Variants in STK32B observed in about 807,000 individuals in gnomAD.
STK32B encodes serine/threonine-protein kinase 32B.
STK32B carries 43 observed loss-of-function variants against 52.6 expected under a neutral mutation model. The ratio of observed to expected loss-of-function variants is 0.82; its 90% CI spans 0.64 to 1.05. The LOEUF is 1.05. STK32B is among the 50% of genes least tolerant of loss of function. STK32B has a pLI of 0.00. For synonymous variants in STK32B, 238 were observed against 204.3 expected, an observed-to-expected ratio of 1.17 and a Z score of -1.41; for missense variants, 621 against 534.6, an observed-to-expected ratio of 1.16 and a Z score of -1.59.
At chr4:5,430,113 G>A (rs1713445160) in intron 6 of STK32B, among the ~76,000 whole-genome samples, 2 of 151,852 alleles carry the variant, frequency 1.3e-5, no homozygotes, top group African/African-American at 4.8e-5. Context: ...TTGGATATGT[G>A]GTTTGATTAC....
chr4:5,463,788 C>T (rs1354738841), intron 9 of STK32B, among the ~76,000 whole-genome samples: 9 of 152,142 alleles, frequency 5.9e-5, no homozygotes, highest in East Asian at 1.9e-4. Context: ...CTTTCTCTTC[C>T]GGGGATCCCT....
intron 6 of STK32B, among the ~76,000 whole-genome samples, chr4:5,435,449 C>T (rs1363031714): frequency 2.0e-5 from 3 of 152,164 alleles, no homozygotes; most frequent in East Asian, 1.9e-4. Context: ...CAGAGCAACT[C>T]GCTCCTTCCT....
intron 7 of STK32B, among the ~76,000 whole-genome samples, chr4:5,450,479 T>C (rs1252898971): frequency 6.6e-6 from 1 of 152,164 alleles, no homozygotes; most frequent in Non-Finnish European, 1.5e-5. Context: ...GAAAGAATCT[T>C]TTTCACTCTT....
rs538547691 is a variant in STK32B, at chr4:5,260,750, C to G, written c.261-70470C>G. On this transcript the variant is annotated intron_variant, in intron 3 of 11. Transcript: ENST00000282908. ...GCAAGTTGGTTTCTTAGGAAGCAGACTCTGACATGGAAGTTAGCAAGAAGG... is the reference window on the plus strand; with the variant it reads ...GCAAGTTGGTTTCTTAGGAAGCAGAGTCTGACATGGAAGTTAGCAAGAAGG... Among the ~76,000 whole-genome samples, 4 of 152,096 alleles carry G rather than the reference C, an allele frequency of 2.6e-5. 1 individual carries two copies. Among genetic ancestry groups the G allele is most frequent in the Non-Finnish European group, 5.9e-5 (4 of 68,010 alleles).
At chr4:5,154,792 A>G (rs544609940) in intron 2 of STK32B, among the ~76,000 whole-genome samples, 312 of 152,242 alleles carry the variant, frequency 2.0e-3, no homozygotes, top group Non-Finnish European at 3.7e-3. Context: ...TTGGTGCCCA[A>G]CATGTGGTAA....
At chr4:5,053,607 T>G (rs577823312) in intron 1 of STK32B, among the ~76,000 whole-genome samples, 1 of 152,320 alleles carries the variant, frequency 6.6e-6, no homozygotes, top group Admixed American at 6.5e-5. Flanking sequence ...GTAGCCAACC[T>G]TTTGATTTTC....
At chr4:5,331,125 G>A (rs116678694) in intron 3 of STK32B, 95 bp from the exon 4 acceptor site, 9 of 1,248,418 alleles carry the variant, frequency 7.2e-6, no homozygotes, top group Non-Finnish European at 1.0e-5. Flanking sequence ...CTCTCTCTGA[G>A]CCTCAGTTTG....
At position 5,453,775 on chromosome 4, in the gene STK32B, C is replaced by T. The variant is rs773521143; in HGVS notation, c.667-3032C>T. 4.6e-5 allele frequency among the ~76,000 whole-genome samples: 7 copies of T among 151,688 alleles called. No individual in the cohort carries two copies. The highest frequency in any genetic ancestry group is 8.8e-5 in the Non-Finnish European group (6 of 67,984). On this transcript the variant is annotated intron_variant, in intron 7 of 11. Coordinates refer to ENST00000282908, the MANE Select transcript of STK32B (RefSeq NM_018401.3). This position sits in a 1 kb window ranked among gnomAD's most constrained non-coding sequence, Gnocchi z 4.0. ...AAAAGATTAGTGGGGCATGGTGACG[C>T]GTGCCTGTAATCCCAGCTACTTGGG...
chr4:5,350,970 A>T (rs909113949), intron 4 of STK32B, among the ~76,000 whole-genome samples: 7 of 152,112 alleles, frequency 4.6e-5, no homozygotes, highest in Admixed American at 4.6e-4. Context: ...ATATAAAGCA[A>T]ATTTTATTAG....
Position 5,453,251 on chromosome 4 carries a change from C to T in STK32B, c.667-3556C>T, listed in dbSNP as rs1010069010. 2.0e-5 allele frequency among the ~76,000 whole-genome samples: 3 copies of T among 150,864 alleles called. No homozygotes were observed. Among genetic ancestry groups the T allele is most frequent in the African/African-American group, 7.4e-5 (3 of 40,678 alleles). ...AGAGAGAGAGAGAGAGAGAGTAGCT[C>T]ATGTGGAGGTCCAGTGGAATAGCAG... On this transcript the variant is annotated intron_variant, in intron 7 of 11. Transcript: ENST00000282908. This position sits in a 1 kb window ranked among gnomAD's most constrained non-coding sequence, Gnocchi z 4.0.
rs567706823 is a variant in STK32B at position 5,172,246 on chromosome 4, G to A, written c.260+3796G>A. On this transcript the variant is annotated intron_variant, in intron 3 of 11. Coordinates refer to ENST00000282908, the MANE Select transcript of STK32B (RefSeq NM_018401.3). ...GGTTTTCTAGATATACAATCATGTC[G>A]TCTGCAAACAGGGACAATTTGACTT... Among the ~76,000 whole-genome samples, 40 of 152,116 alleles carry A rather than the reference G, an allele frequency of 2.6e-4. No individual in the cohort carries two copies. The South Asian group carries it at 3.5e-3, about 13-fold the overall frequency.
chr4:5,126,820 T>G (rs1204859782), intron 1 of STK32B, among the ~76,000 whole-genome samples: 2 of 152,248 alleles, frequency 1.3e-5, no homozygotes, highest in Non-Finnish European at 2.9e-5. Context: ...ACATGGCCAT[T>G]TCTACTGATA....
intron 1 of STK32B, among the ~76,000 whole-genome samples, chr4:5,070,858 A>G (rs1711723532): frequency 6.6e-6 from 1 of 152,110 alleles, no homozygotes; most frequent in Non-Finnish European, 1.5e-5. Flanking sequence ...CTCCCTTTGT[A>G]TCCGGCGGAA....
chr4:5,385,135 A>C (rs1170508177), intron 4 of STK32B, among the ~76,000 whole-genome samples: 1 of 152,068 alleles, frequency 6.6e-6, no homozygotes, highest in Non-Finnish European at 1.5e-5. Flanking sequence ...TTGGGTAGGA[A>C]GGAGCAAGGG....
chr4:5,019,439 T>TCCTCATGGTGCCAGGCGC, the STK32B span: 1 of 1,470,074 alleles, frequency 6.8e-7, no homozygotes, highest in East Asian at 2.9e-5. Flanking sequence ...GGCCCAGGCG[T>TCCTCATGGTGCCAGGCGC]CCTCATGGTG....
intron 2 of STK32B, among the ~76,000 whole-genome samples, chr4:5,160,454 C>G (rs778852395): frequency 3.3e-5 from 5 of 152,026 alleles, no homozygotes; most frequent in Non-Finnish European, 5.9e-5. Context: ...TCCTGGTAAC[C>G]CCCTTCCTTC....
chr4:5,069,974 A>G (rs910120585), intron 1 of STK32B, among the ~76,000 whole-genome samples: 2 of 152,192 alleles, frequency 1.3e-5, no homozygotes, highest in Admixed American at 1.3e-4. Flanking sequence ...GCTTCATCAT[A>G]CAGTGTGCAG....
At chr4:5,315,551 A>G (rs1051724051) in intron 3 of STK32B, among the ~76,000 whole-genome samples, 3 of 152,268 alleles carry the variant, frequency 2.0e-5, no homozygotes, top group South Asian at 2.1e-4. Flanking sequence ...GGATGCATAT[A>G]TTGTAAAAGT....
chr4:5,381,713 C>T (rs1192787852), intron 4 of STK32B, among the ~76,000 whole-genome samples: 1 of 152,146 alleles, frequency 6.6e-6, no homozygotes, highest in African/African-American at 2.4e-5. Flanking sequence ...CATATCTGCC[C>T]CCACCTTGCT....
Sources: gnomAD v4.1 joint callset for allele counts (sites outside exome capture counted in the v4.1 genomes callset) on GRCh38, gnomAD v4.1.1 for gene constraint, Gnocchi (gnomAD v3.1) non-coding constraint, MANE v1.5 for transcripts, NCBI Gene and HGNC (gene_info 2026-07-23, HGNC 2026-07-21) for gene names.